Variants in DDX55 observed in about 807,000 individuals in gnomAD.
DDX55 encodes the protein DEAD-box helicase 55, also known as ATP-dependent RNA helicase DDX55.
DDX55 carries 56 observed loss-of-function variants against 69.2 expected under a neutral mutation model. The ratio of observed to expected loss-of-function variants is 0.81; its 90% CI spans 0.65 to 1.01. The LOEUF is 1.01. DDX55 is among the 50% of genes least tolerant of loss of function. The probability of loss-of-function intolerance (pLI) is 0.00; values close to 1 mark genes in which losing one functional copy is unlikely to be tolerated. For synonymous variants in DDX55, 268 were observed against 273.1 expected (o/e 0.98, Z 0.18); for missense variants, 720 against 745.1 (o/e 0.97, Z 0.39).
intron 9 of DDX55, 27 bp downstream of exon 9, chr12:123,615,343 GCT>G: frequency 6.2e-7 from 1 of 1,610,740 alleles, no homozygotes; most frequent in Non-Finnish European, 8.5e-7. Flanking sequence ...GAAGGTAGCA[GCT>G]CTCCTGCCAC....
At chr12:123,615,837 T>C (rs1023843133) in intron 9 of DDX55, among the ~76,000 whole-genome samples, 7 of 152,052 alleles carry the variant, frequency 4.6e-5, no homozygotes, top group Non-Finnish European at 1.0e-4. Flanking sequence ...AAAAAATTAG[T>C]CGGGCATGGT....
At position 123,619,551 on chromosome 12, in the gene DDX55, C is replaced by A; in HGVS notation, c.1453C>A (p.Pro485Thr). Residue 485 changes from proline (P) to threonine (T), a missense_variant, in exon 13 of 14, where the codon CCA becomes ACA. Pro to Thr is a conservative substitution (Grantham distance 38, BLOSUM62 -1). Coordinates refer to ENST00000238146, the MANE Select transcript of DDX55 (RefSeq NM_020936.3). The part of the protein sequence containing the change: ...VPVDVNTDTI[P>T]FKDKIREKQR... ...CGTGGACGTTAATACCGACACGATT[C>A]CATTTAAAGATAAAATCAGAGAAAA... 6.2e-7 allele frequency: 1 copy of A among 1,613,746 alleles called. No individual in the cohort carries two copies. The highest frequency in any genetic ancestry group is 8.5e-7 in the Non-Finnish European group (1 of 1,179,986).
rs199916746 is a variant in DDX55, at chr12:123,620,501, GA to G, written c.*365del. ...CCAGTCTTGGAGTAGTCTAACAGAAGAAAATGTAAAATTATTTGAGTGTAAA... is the reference window on the plus strand; with the variant it reads ...CCAGTCTTGGAGTAGTCTAACAGAAGAAATGTAAAATTATTTGAGTGTAAA... On this transcript the variant is annotated 3_prime_UTR_variant, in exon 14 of 14. Coordinates refer to ENST00000238146, the MANE Select transcript of DDX55 (RefSeq NM_020936.3). 9.2e-3 allele frequency: 1,391 copies of G among 150,724 alleles called. 26 individuals are homozygous for G. The highest frequency in any genetic ancestry group is 0.033 in the African/African-American group (1,304 of 39,080). The allele number at this position is 150,724 out of a possible 1,614,324, so 9.3% of individuals were successfully genotyped here. A position where few individuals can be genotyped will look rare whatever the true frequency, so the allele number is the denominator to read the frequency against.
At chr12:123,612,671 T>C (rs1285847871) in intron 7 of DDX55, among the ~76,000 whole-genome samples, 1 of 147,276 alleles carries the variant, frequency 6.8e-6, no homozygotes, top group African/African-American at 2.6e-5. Context: ...TACCCAAGAA[T>C]CTGCATTTAA....
rs1230342202 is a variant in DDX55, at chr12:123,619,611, G to C, written c.1513G>C (p.Glu505Gln). ...GAAACTCCTGGAGCAACAAAGAAGAGAGAAAACAGAAAATGAAGGGAGAAG... is the reference window on the plus strand; with the variant it reads ...GAAACTCCTGGAGCAACAAAGAAGACAGAAAACAGAAAATGAAGGGAGAAG... ...RQKLLEQQRR[E>Q]KTENEGRRKF... Residue 505 changes from glutamate (E) to glutamine (Q), a missense_variant, in exon 13 of 14, where the codon GAG becomes CAG. Transcript: ENST00000238146. The C allele has an allele frequency of 3.7e-6, 6 of 1,611,998 alleles. No homozygotes were observed. Among genetic ancestry groups the C allele is most frequent in the South Asian group, 2.2e-5 (2 of 90,796 alleles).
chr12:123,612,892 G>A (rs1191472661), intron 7 of DDX55, among the ~76,000 whole-genome samples: 1 of 152,080 alleles, frequency 6.6e-6, no homozygotes, highest in African/African-American at 2.4e-5. Context: ...GTAATGGCTG[G>A]CATGTATATT....
chr12:123,611,491 G>A (rs964450578), intron 7 of DDX55, among the ~76,000 whole-genome samples: 3 of 152,210 alleles, frequency 2.0e-5, no homozygotes, highest in Non-Finnish European at 1.5e-5. Flanking sequence ...TTTGCAATAA[G>A]CTTTCTCAGG....
intron 1 of DDX55, 93 bp downstream of exon 1, chr12:123,602,349 CCTGGGGCGCTCATCCCTCCAG>C: frequency 8.3e-7 from 1 of 1,199,446 alleles, no homozygotes; most frequent in African/African-American, 1.6e-5. Context: ...AGATCTGAGC[CCTGGGGCGCTCATCCCTCCAG>C]CTGGGGCTCT....
chr12:123,608,619 AATC>A, intron 5 of DDX55, 58 bp from the exon 6 acceptor site: 7 of 1,583,294 alleles, frequency 4.4e-6, no homozygotes, highest in Non-Finnish European at 6.0e-6. Flanking sequence ...GTATTTTGGT[AATC>A]ATCAACCACA....
chr12:123,619,694 A>G lies in DDX55; in HGVS notation c.1596A>G (p.Lys532=). ...SKQKAKKEKK[K]KMNEKRKREE... ...AGAAGGCCAAAAAAGAAAAGAAGAAAAAAATGAATGAGAAAAGGAAAAGGG... is the reference window on the plus strand; with the variant it reads ...AGAAGGCCAAAAAAGAAAAGAAGAAGAAAATGAATGAGAAAAGGAAAAGGG... The change falls in exon 13 of 14, where the codon AAA becomes AAG. Residue 532 remains lysine (K), a synonymous_variant. Transcript: ENST00000238146. The G allele has an allele frequency of 6.3e-7, 1 of 1,576,968 alleles. No homozygotes were observed. The highest frequency in any genetic ancestry group is 8.5e-7 in the Non-Finnish European group (1 of 1,171,006).
In DDX55 at chr12:123,602,114, G is replaced by C. The variant is rs1290940138; in HGVS notation, c.-35G>C. The C allele has an allele frequency of 1.3e-6, 2 of 1,526,392 alleles. No homozygotes were observed. Among genetic ancestry groups the C allele is most frequent in the Admixed American group, 2.0e-5 (1 of 50,470 alleles). 94.6% of individuals were successfully genotyped at this position (1,526,392 alleles called of 1,614,324 possible). A position where few individuals can be genotyped will look rare whatever the true frequency, so the allele number is the denominator to read the frequency against. On this transcript the variant is annotated 5_prime_UTR_variant, in exon 1 of 14. Transcript: ENST00000238146. ...CGTTGGGGGTGCACAAGGCGCGTTC[G>C]AGCAGCGGCGACCGACGCGGCGAAG...
At position 123,620,580 on chromosome 12, in the gene DDX55, TTATATATATATATATA is replaced by T. The variant is rs68169681; in HGVS notation, c.*473_*488del. On this transcript the variant is annotated 3_prime_UTR_variant, in exon 14 of 14. Coordinates refer to ENST00000238146, the MANE Select transcript of DDX55 (RefSeq NM_020936.3). Reference sequence around the variant, plus strand: ...GGTCACATATAGACATATGTACATATTATATATATATATATATATATATATATATATATATATATAT... The same window carrying T: ...GGTCACATATAGACATATGTACATATTATATATATATATATATATATATAT... 113 of 65,362 alleles carry T rather than the reference TTATATATATATATATA, an allele frequency of 1.7e-3. 2 individuals carry two copies. In the East Asian group the frequency reaches 0.019, roughly 11 times the overall value. The allele number at this position is 65,362 out of a possible 1,614,324, so 4.0% of individuals were successfully genotyped here. A position where few individuals can be genotyped will look rare whatever the true frequency, so the allele number is the denominator to read the frequency against.
At position 123,613,339 on chromosome 12, in the gene DDX55, T is replaced by C. The variant is rs1040116737; in HGVS notation, c.824+87T>C. The C allele has an allele frequency of 6.1e-6, 8 of 1,319,358 alleles. No homozygotes were observed. In the Admixed American group the frequency reaches 1.5e-4, roughly 25 times the overall value. 81.7% of individuals were successfully genotyped at this position (1,319,358 alleles called of 1,614,324 possible). A position where few individuals can be genotyped will look rare whatever the true frequency, so the allele number is the denominator to read the frequency against. On this transcript the variant is annotated intron_variant, in intron 8 of 13. Coordinates refer to ENST00000238146, the MANE Select transcript of DDX55 (RefSeq NM_020936.3). ...CGGCCTTTGGGTTTTGGATTCCATC[T>C]AGCATGGTTCTCTCCGGAATGCTTT... is the stretch of plus-strand genomic sequence containing the variant.
Position 123,608,055 on chromosome 12 carries a change from T to A in DDX55, c.401+393T>A. On this transcript the variant is annotated intron_variant, in intron 5 of 13. Coordinates refer to ENST00000238146, the MANE Select transcript of DDX55 (RefSeq NM_020936.3). ...TGGAATTCCAGATTTGTGTGTGTAA[T>A]CTCCTGATTTTTTAACTGTTGGCGT... 6 of 250,836 alleles carry A rather than the reference T, an allele frequency of 2.4e-5. No individual in the cohort carries two copies. The South Asian group carries it at 3.5e-4, about 15-fold the overall frequency. The allele number at this position is 250,836 out of a possible 1,614,324, so 15.5% of individuals were successfully genotyped here.
chr12:123,602,606 G>C (rs2135677489), intron 1 of DDX55, among the ~76,000 whole-genome samples: 1 of 152,278 alleles, frequency 6.6e-6, no homozygotes, highest in African/African-American at 2.4e-5. Context: ...CTCCTTATGG[G>C]GTTGCTGTGG....
intron 1 of DDX55, among the ~76,000 whole-genome samples, chr12:123,603,409 T>TG (rs71308019): frequency 2.7e-5 from 4 of 150,556 alleles, no homozygotes; most frequent in African/African-American, 9.8e-5. Flanking sequence ...TTTTTTTTTT[T>TG]GAGATGGAGT....
chr12:123,619,444 C>T lies in DDX55; in HGVS notation c.1346C>T (p.Ala449Val). 8 of 1,611,514 alleles carry T rather than the reference C, an allele frequency of 5.0e-6. No homozygotes were observed. Among genetic ancestry groups the T allele is most frequent in the Non-Finnish European group, 6.8e-6 (8 of 1,179,066 alleles). The change falls in exon 13 of 14, where the codon GCC (alanine) becomes GTC (valine). Residue 449 changes from alanine to valine, a missense_variant. Ala to Val is a moderately conservative substitution (Grantham distance 64). Transcript: ENST00000238146. The stretch of plus-strand genomic sequence containing the variant: ...CTGATTGAATCAGATCTTGATTTTG[C>T]CAGCCTTGCTCGAGGTTTTGCCCTG... Reference protein sequence around the residue: ...LIFRLKDLDFASLARGFALLR... With the variant: ...LIFRLKDLDFVSLARGFALLR...
Position 123,620,238 on chromosome 12 carries a change from A to C in DDX55, c.*98A>C, listed in dbSNP as rs756366010. ...AACGAAAATCACAACTTCAGGAGAC[A>C]TCTGAAAAGAATGATGTCTCTGAAA... On this transcript the variant is annotated 3_prime_UTR_variant, in exon 14 of 14. Coordinates refer to ENST00000238146, the MANE Select transcript of DDX55 (RefSeq NM_020936.3). The C allele has an allele frequency of 2.5e-6, 3 of 1,198,752 alleles. No individual in the cohort carries two copies. The highest frequency in any genetic ancestry group is 3.1e-5 in the African/African-American group (2 of 64,524). The allele number at this position is 1,198,752 out of a possible 1,614,324, so 74.3% of individuals were successfully genotyped here. A position where few individuals can be genotyped will look rare whatever the true frequency, so the allele number is the denominator to read the frequency against.
chr12:123,615,995 CAAAG>C (rs1056165659), intron 9 of DDX55, among the ~76,000 whole-genome samples: 1 of 151,892 alleles, frequency 6.6e-6, no homozygotes, highest in Non-Finnish European at 1.5e-5. Flanking sequence ...AACAAACAAA[CAAAG>C]AAACAAAAAA....
Sources: gnomAD v4.1 joint callset for allele counts (sites outside exome capture counted in the v4.1 genomes callset) on GRCh38, gnomAD v4.1.1 for gene constraint, MANE v1.5 for transcripts, NCBI Gene and HGNC (gene_info 2026-07-23, HGNC 2026-07-21) for gene names.